Variants in MGAT4C observed in about 807,000 individuals in gnomAD.
MGAT4C encodes the protein alpha-1,3-mannosyl-glycoprotein 4-beta-N-acetylglucosaminyltransferase C.
MGAT4C carries 19 observed loss-of-function variants against 40.1 expected under a neutral mutation model. The ratio of observed to expected loss-of-function variants is 0.47; its 90% CI spans 0.33 to 0.70. The LOEUF (loss-of-function observed/expected upper bound fraction) is 0.70. Ranked by LOEUF, MGAT4C falls within the 30% of genes least tolerant of loss-of-function variation. The pLI, the probability that MGAT4C is intolerant of heterozygous loss-of-function variation, is 0.02. For synonymous variants in MGAT4C, 181 were observed against 187.1 expected (o/e 0.97, Z 0.27); for missense variants, 491 against 563.2 (o/e 0.87, Z 1.30).
intron 1 of MGAT4C, among the ~76,000 whole-genome samples, chr12:86,758,250 T>C (rs1299390239): frequency 6.6e-6 from 1 of 152,054 alleles, no homozygotes; most frequent in African/African-American, 2.4e-5. Context: ...ACTAAAGGTT[T>C]TACTAGACCA....
chr12:86,657,425 C>T (rs1022702834), intron 2 of MGAT4C, among the ~76,000 whole-genome samples: 7 of 151,560 alleles, frequency 4.6e-5, no homozygotes, highest in Admixed American at 2.6e-4. Flanking sequence ...TAAAAAAGGC[C>T]TTAAGAGCCT....
chr12:86,049,456 G>A (rs7967417), intron 2 of MGAT4C, among the ~76,000 whole-genome samples: 120,035 of 151,906 alleles, frequency 0.79, 47,916 homozygotes, highest in East Asian at 0.97. Context: ...AAAGTATCAC[G>A]TTACATGGCT....
chr12:86,527,369 C>G (rs932397289), intron 2 of MGAT4C, among the ~76,000 whole-genome samples: 1 of 152,128 alleles, frequency 6.6e-6, no homozygotes, highest in African/African-American at 2.4e-5. Context: ...TGTTTTTATG[C>G]AAGTACAACA....
At chr12:86,457,979 C>T (rs1377066727) in intron 2 of MGAT4C, among the ~76,000 whole-genome samples, 2 of 151,540 alleles carry the variant, frequency 1.3e-5, no homozygotes, top group African/African-American at 4.8e-5. Context: ...TTTTTAAGAA[C>T]TCAAGATTAA....
chr12:86,669,736 G>C (rs749742460), intron 2 of MGAT4C, among the ~76,000 whole-genome samples: 4 of 152,214 alleles, frequency 2.6e-5, no homozygotes, highest in Non-Finnish European at 5.9e-5. Flanking sequence ...CAAGCAGGGA[G>C]ATAAGACCAC....
chr12:86,693,284 A>G (rs1950201316), intron 2 of MGAT4C, among the ~76,000 whole-genome samples: 1 of 152,208 alleles, frequency 6.6e-6, no homozygotes, highest in African/African-American at 2.4e-5. Context: ...TGATTAATTC[A>G]TTCATTGACC....
chr12:86,076,900 G>C (rs1209753610), intron 1 of MGAT4C, among the ~76,000 whole-genome samples: 3 of 152,172 alleles, frequency 2.0e-5, no homozygotes, highest in Non-Finnish European at 4.4e-5. Flanking sequence ...GCCAGTCCAA[G>C]TTCCAAAACT....
intron 3 of MGAT4C, among the ~76,000 whole-genome samples, chr12:86,348,116 A>C (rs975477835): frequency 6.6e-6 from 1 of 152,136 alleles, no homozygotes; most frequent in Non-Finnish European, 1.5e-5. Context: ...AAATATTCCT[A>C]ACATCTAGAT....
chr12:86,728,483 C>A (rs750879227), intron 1 of MGAT4C, among the ~76,000 whole-genome samples: 11 of 152,074 alleles, frequency 7.2e-5, no homozygotes, highest in Non-Finnish European at 1.6e-4. Flanking sequence ...CGGAGGTCAG[C>A]GGTTTGAGAC....
chr12:86,452,952 C>T (rs1187710622), intron 2 of MGAT4C, among the ~76,000 whole-genome samples: 2 of 152,208 alleles, frequency 1.3e-5, no homozygotes, highest in East Asian at 3.9e-4. Flanking sequence ...GATCTTGTTC[C>T]TCCAATCCTT....
chr12:86,300,253 CAAAAATA>C (rs946429866), intron 4 of MGAT4C, among the ~76,000 whole-genome samples: 1 of 151,994 alleles, frequency 6.6e-6, no homozygotes, highest in African/African-American at 2.4e-5. Context: ...TGCAGGTCAT[CAAAAATA>C]CCTATCATGG....
chr12:86,763,190 T>C (rs1013765626), intron 1 of MGAT4C, among the ~76,000 whole-genome samples: 5 of 152,180 alleles, frequency 3.3e-5, no homozygotes, highest in East Asian at 1.9e-4. Flanking sequence ...AAACAAATTG[T>C]ATGTAAGTGA....
rs1216720073 is a variant in MGAT4C, at chr12:85,969,487, T to G, written c.*9802A>C. The G allele has an allele frequency of 6.6e-6, 1 of 151,676 alleles. No homozygotes were observed. The highest frequency in any genetic ancestry group is 6.6e-5 in the Admixed American group (1 of 15,190). 9.4% of individuals were successfully genotyped at this position (151,676 alleles called of 1,614,324 possible). On this transcript the variant is annotated 3_prime_UTR_variant, in exon 5 of 5. Transcript: ENST00000611864. ...AGTGTACCCAGAGCCCATGAGTTTT[T>G]ATTTTCTTTTTGGAATAACAGAAAT...
chr12:86,238,350 T>A (rs1321444880), intron 1 of MGAT4C, among the ~76,000 whole-genome samples: 1 of 152,038 alleles, frequency 6.6e-6, no homozygotes, highest in Non-Finnish European at 1.5e-5. Context: ...TTTTAATCAT[T>A]TTCATAATTT....
chr12:85,985,168 C>T lies in MGAT4C; in HGVS notation c.148-1498G>A, dbSNP rs188686766. On this transcript the variant is annotated intron_variant, in intron 3 of 4. Transcript: ENST00000611864. ...TAGAGAAAGTAAATGGATTAAATAA[C>T]TCTGGTCCTGCTATTATTTTGCTGT... Among the ~76,000 whole-genome samples, 36 of 152,292 alleles carry T rather than the reference C, an allele frequency of 2.4e-4. No homozygotes were observed. The East Asian group carries it at 5.8e-3, about 24-fold the overall frequency.
chr12:86,359,881 A>G (rs1955416983), intron 3 of MGAT4C, among the ~76,000 whole-genome samples: 1 of 152,224 alleles, frequency 6.6e-6, no homozygotes, highest in South Asian at 2.1e-4. Context: ...ATGGATTCAC[A>G]GCCAAATTCT....
intron 3 of MGAT4C, among the ~76,000 whole-genome samples, chr12:86,411,977 C>T (rs921716285): frequency 6.6e-6 from 1 of 152,214 alleles, no homozygotes; most frequent in Non-Finnish European, 1.5e-5. Flanking sequence ...CCAAAGAGTG[C>T]CAGTCCTAAG....
At chr12:86,347,931 A>G (rs535364903) in intron 3 of MGAT4C, among the ~76,000 whole-genome samples, 1 of 152,282 alleles carries the variant, frequency 6.6e-6, no homozygotes, top group Non-Finnish European at 1.5e-5. Context: ...ATTCTGTAAC[A>G]ATGTGCCTTC....
intron 2 of MGAT4C, among the ~76,000 whole-genome samples, chr12:86,591,541 T>C (rs1237971200): frequency 6.6e-6 from 1 of 151,896 alleles, no homozygotes; most frequent in Non-Finnish European, 1.5e-5. Flanking sequence ...GGATATAAAA[T>C]GTAATAAATT....
Sources: allele counts gnomAD v4.1 joint callset (sites outside exome capture counted in the v4.1 genomes callset), GRCh38; gene constraint gnomAD v4.1.1; transcripts MANE v1.5; gene names NCBI Gene and HGNC (gene_info 2026-07-23, HGNC 2026-07-21).